The following DLG5 variants were observed in gnomAD, a reference collection of about 807,000 sequenced individuals.
The protein encoded by DLG5 is disks large homolog 5.
DLG5 carries 48 observed loss-of-function variants against 189.8 expected under a neutral mutation model. That is an observed-to-expected ratio of 0.25 (90% CI 0.20 to 0.32). DLG5 has a LOEUF of 0.32. Ranked by LOEUF, DLG5 falls within the 10% of genes least tolerant of loss-of-function variation. DLG5 has a pLI of 1.00. For missense variants in DLG5, 2,160 were observed against 2,544.7 expected, an observed-to-expected ratio of 0.85 and a Z score of 3.25; for synonymous variants, 1,016 against 1,054.1, an observed-to-expected ratio of 0.96 and a Z score of 0.70.
At chr10:77,802,948 A>G (rs1841290808) in intron 27 of DLG5, among the ~76,000 whole-genome samples, 1 of 152,176 alleles carries the variant, frequency 6.6e-6, no homozygotes, top group South Asian at 2.1e-4. Context: ...TCAAAGTTAG[A>G]AAAGAGATAA....
At chr10:77,877,083 C>T (rs938905775) in intron 1 of DLG5, among the ~76,000 whole-genome samples, 1 of 151,930 alleles carries the variant, frequency 6.6e-6, no homozygotes, top group Non-Finnish European at 1.5e-5. Flanking sequence ...CTTTTGAGGC[C>T]ATTTATAAAA....
At chr10:77,806,661 C>A in intron 26 of DLG5, 97 bp downstream of exon 26, 1 of 1,455,170 alleles carries the variant, frequency 6.9e-7, no homozygotes, top group Non-Finnish European at 9.3e-7. Context: ...CCTCCTCCAG[C>A]AGCCCTGGCC....
upstream of DLG5, chr10:77,927,774 C>T (rs990941135): frequency 2.0e-5 from 3 of 152,362 alleles, no homozygotes; most frequent in Non-Finnish European, 2.9e-5. Context: ...AGAATGTCTT[C>T]TCTTCCACGA....
intron 1 of DLG5, among the ~76,000 whole-genome samples, chr10:77,877,287 T>C (rs1170428912): frequency 6.8e-6 from 1 of 146,970 alleles, no homozygotes; most frequent in African/African-American, 2.6e-5. Flanking sequence ...GGACTGGTTT[T>C]GGTCTTTTTC....
chr10:77,821,871 T>G lies in DLG5; in HGVS notation c.2613A>C (p.Pro871=). Reference sequence around the variant, plus strand: ...AGACCTGCAAGGGTCCCCCAGGGAATGGCTTATGCAGAAAGGAGCTGCTGC... The same window carrying G: ...AGACCTGCAAGGGTCCCCCAGGGAAGGGCTTATGCAGAAAGGAGCTGCTGC... ...PGGSSSFLHK[P]FPGGPLQVCP... Residue 871 remains proline (P), a synonymous_variant, in exon 15 of 32, where the codon CCA becomes CCC. Transcript: ENST00000372391. 1 of 1,614,084 alleles carries G rather than the reference T, an allele frequency of 6.2e-7. No individual in the cohort carries two copies.
intron 2 of DLG5, among the ~76,000 whole-genome samples, chr10:77,862,642 C>T (rs2154576906): frequency 6.6e-6 from 1 of 152,278 alleles, no homozygotes; most frequent in South Asian, 2.1e-4. Flanking sequence ...TATGTTCAAA[C>T]AAAAACCAGC....
At chr10:77,819,742 C>T (rs1206983181) in intron 16 of DLG5, 153 bp downstream of exon 16, 2 of 1,316,548 alleles carry the variant, frequency 1.5e-6, no homozygotes, top group East Asian at 2.3e-5. Context: ...ATAAGACAAA[C>T]CATCCCAGAC....
chr10:77,863,003 A>G (rs1844531367), intron 2 of DLG5, among the ~76,000 whole-genome samples: 1 of 152,228 alleles, frequency 6.6e-6, no homozygotes, highest in South Asian at 2.1e-4. Context: ...CAATGGTTGC[A>G]TGACTATTTG....
chr10:77,903,627 T>C (rs1845994208), intron 1 of DLG5, among the ~76,000 whole-genome samples: 1 of 99,264 alleles, frequency 1.0e-5, no homozygotes, highest in African/African-American at 5.4e-5. Context: ...TGAAACTCCA[T>C]CTCAAAAAAA....
In DLG5 at chr10:77,926,230, G is replaced by C. The variant is rs533350957; in HGVS notation, c.291C>G (p.Pro97=). ...YLNGVVGPPQ[P]AEGAGSTYSV... ...TCTGCCACTCACCCGCGCCTTCGGC[G>C]GGCTGCGGCGGCCCGACGACGCCGT... Residue 97 remains proline, a synonymous_variant, in exon 1 of 32, where the codon CCC becomes CCG. Transcript: ENST00000372391. The surrounding 1 kb of genome is among the most constrained non-coding windows in gnomAD (Gnocchi z 5.2). The C allele has an allele frequency of 1.3e-6, 2 of 1,503,394 alleles. No individual in the cohort carries two copies. Among genetic ancestry groups the C allele is most frequent in the Admixed American group, 2.0e-5 (1 of 49,250 alleles). 93.1% of individuals were successfully genotyped at this position (1,503,394 alleles called of 1,614,324 possible). A position where few individuals can be genotyped will look rare whatever the true frequency, so the allele number is the denominator to read the frequency against.
Position 77,792,513 on chromosome 10 carries a change from A to G in DLG5, c.5687T>C (p.Ile1896Thr). 6.2e-7 allele frequency: 1 copy of G among 1,614,182 alleles called. No homozygotes were observed. Among genetic ancestry groups the G allele is most frequent in the Non-Finnish European group, 8.5e-7 (1 of 1,180,022 alleles). Residue 1896 changes from isoleucine (I) to threonine (T), a missense_variant, in exon 32 of 32, where the codon ATT (isoleucine) becomes ACT (threonine). Coordinates refer to ENST00000372391, the MANE Select transcript of DLG5 (RefSeq NM_004747.4). ...GACCATTGCCAAGATCTGAGTGCAA[A>G]TGCTTGACAGGGCTCCTCCCTGGAT... ...GVIQGGALSS[I>T]CTQILAMVNQ...
intron 1 of DLG5, among the ~76,000 whole-genome samples, chr10:77,885,647 A>G (rs1368570548): frequency 3.9e-5 from 6 of 152,218 alleles, no homozygotes; most frequent in Admixed American, 1.3e-4. Flanking sequence ...GGGACCCTCC[A>G]GCCTGCACCA....
chr10:77,831,180 A>G (rs904673602), intron 9 of DLG5, among the ~76,000 whole-genome samples: 10 of 152,158 alleles, frequency 6.6e-5, no homozygotes, highest in Admixed American at 2.0e-4. Flanking sequence ...CGAGACAGGC[A>G]GATCACCAGA....
At chr10:77,874,963 A>C (rs1845037493) in intron 1 of DLG5, among the ~76,000 whole-genome samples, 1 of 152,256 alleles carries the variant, frequency 6.6e-6, no homozygotes, top group Non-Finnish European at 1.5e-5. Context: ...ATAGCAGCTA[A>C]TAGGTACTAA....
At chr10:77,938,762 G>A in the DLG5 span, among the ~76,000 whole-genome samples, 4 of 152,224 alleles carry the variant, frequency 2.6e-5, no homozygotes, top group African/African-American at 9.6e-5. Flanking sequence ...CCATCATACA[G>A]ATGAGGGATC....
chr10:77,903,114 A>AT (rs1845977803), intron 1 of DLG5, among the ~76,000 whole-genome samples: 1 of 152,124 alleles, frequency 6.6e-6, no homozygotes, highest in South Asian at 2.1e-4. Context: ...ACACACAATT[A>AT]TTTAAAATAG....
Position 77,821,956 on chromosome 10 carries a change from T to C in DLG5, c.2528A>G (p.Gln843Arg), listed in dbSNP as rs778617584. Residue 843 changes from glutamine (Q) to arginine (R), a missense_variant, in exon 15 of 32, where the codon CAG becomes CGG. This residue lies in a region of DLG5 where 754 missense variants were observed against 746.5 expected (regional missense o/e 1.01). Transcript: ENST00000372391. The part of the protein sequence containing the change: ...RNLIQHNNST[Q>R]TDIFYTDRLE... The stretch of plus-strand genomic sequence containing the variant: ...CCTGTCCGTGTAGAAGATGTCTGTC[T>C]GCGTGGAGTTATTGTGCTGTATCAA... 6.2e-7 allele frequency: 1 copy of C among 1,614,258 alleles called. No homozygotes were observed. Among genetic ancestry groups the C allele is most frequent in the Admixed American group, 1.7e-5 (1 of 60,032 alleles).
chr10:77,806,046 A>G, intron 26 of DLG5, 185 bp from the exon 27 acceptor site: 1 of 557,788 alleles, frequency 1.8e-6, no homozygotes. Context: ...TGCGGGGGTG[A>G]CACAAACACC....
chr10:77,907,301 C>T (rs1046927865), intron 1 of DLG5, among the ~76,000 whole-genome samples: 4 of 152,080 alleles, frequency 2.6e-5, no homozygotes, highest in Non-Finnish European at 4.4e-5. Flanking sequence ...ATAACTGGGC[C>T]GGCGCGGTGA....
Sources: allele counts gnomAD v4.1 joint callset (sites outside exome capture counted in the v4.1 genomes callset), GRCh38; gene constraint gnomAD v4.1.1; regional missense constraint gnomAD v4.1.1; non-coding constraint Gnocchi (gnomAD v3.1); transcripts MANE v1.5; gene names NCBI Gene and HGNC (gene_info 2026-07-23, HGNC 2026-07-21).